PCSK5: variants seen among roughly 807,000 people sequenced by gnomAD.
The protein encoded by PCSK5 is proprotein convertase subtilisin/kexin type 5.
A neutral mutation model predicts 233.2 loss-of-function variants in PCSK5; 129 were observed. The ratio of observed to expected loss-of-function variants is 0.55; its 90% CI spans 0.48 to 0.64. The LOEUF is 0.64. Among genes scored for constraint, PCSK5 ranks in the 30% least tolerant of loss-of-function variants. PCSK5 has a pLI of 0.00. For missense variants in PCSK5, 2,076 were observed against 2,430.1 expected, an observed-to-expected ratio of 0.85 and a Z score of 3.06; for synonymous variants, 825 against 879.2, an observed-to-expected ratio of 0.94 and a Z score of 1.09.
intron 1 of PCSK5, among the ~76,000 whole-genome samples, chr9:75,892,989 A>G (rs905562634): frequency 6.6e-6 from 1 of 152,132 alleles, no homozygotes; most frequent in African/African-American, 2.4e-5. Context: ...TTGGGATTCT[A>G]CTGGCTTCTT....
intron 2 of PCSK5, among the ~76,000 whole-genome samples, chr9:75,949,341 A>G (rs1043127286): frequency 8.6e-5 from 13 of 151,684 alleles, no homozygotes; most frequent in African/African-American, 3.1e-4. Flanking sequence ...ATTTGAAAGG[A>G]TTTAAGGTGT....
chr9:76,350,124 AAG>A (rs1425813900), intron 35 of PCSK5, among the ~76,000 whole-genome samples: 2 of 147,874 alleles, frequency 1.4e-5, no homozygotes, highest in Non-Finnish European at 3.0e-5. Flanking sequence ...AAAAAAAAAA[AAG>A]AAAGAAAGAC....
chr9:75,947,851 G>T (rs549743000), intron 2 of PCSK5, among the ~76,000 whole-genome samples: 1 of 152,142 alleles, frequency 6.6e-6, no homozygotes, highest in African/African-American at 2.4e-5. Flanking sequence ...TTTCTCCATG[G>T]ATATTTTAGA....
intron 30 of PCSK5, among the ~76,000 whole-genome samples, chr9:76,311,540 TC>T (rs1358661416): frequency 6.6e-6 from 1 of 152,080 alleles, no homozygotes; most frequent in African/African-American, 2.4e-5. Context: ...GTTTCCTTGG[TC>T]CCCTGGTTTG....
chr9:76,054,053 C>T (rs1006012069), intron 5 of PCSK5, among the ~76,000 whole-genome samples: 9 of 152,146 alleles, frequency 5.9e-5, no homozygotes, highest in South Asian at 2.1e-4. Flanking sequence ...TCTTACATGG[C>T]GGCAGGCAGG....
chr9:76,020,079 A>G (rs1349148840), intron 3 of PCSK5, among the ~76,000 whole-genome samples: 1 of 152,226 alleles, frequency 6.6e-6, no homozygotes, highest in Non-Finnish European at 1.5e-5. Context: ...TGTGGGCTGC[A>G]TGTGTGGTAA....
intron 33 of PCSK5, among the ~76,000 whole-genome samples, chr9:76,329,649 A>T (rs1829469042): frequency 1.3e-5 from 2 of 152,106 alleles, no homozygotes; most frequent in Admixed American, 6.6e-5. Context: ...CCTGACCAAC[A>T]TGATGAAATC....
At chr9:76,330,527 T>C (rs1587339016) in intron 33 of PCSK5, among the ~76,000 whole-genome samples, 1 of 152,086 alleles carries the variant, frequency 6.6e-6, no homozygotes, top group South Asian at 2.1e-4. Context: ...GGCAGGAGGA[T>C]TGCTTGAGCC....
intron 2 of PCSK5, among the ~76,000 whole-genome samples, chr9:75,954,924 G>A (rs1825025736): frequency 6.6e-6 from 1 of 152,120 alleles, no homozygotes; most frequent in Admixed American, 6.5e-5. Flanking sequence ...CCTTCTCTCT[G>A]AACCATGAAA....
chr9:76,263,687 G>A (rs1457232648), intron 24 of PCSK5, among the ~76,000 whole-genome samples: 12 of 151,834 alleles, frequency 7.9e-5, no homozygotes, highest in African/African-American at 2.9e-4. Flanking sequence ...TAAATGATGA[G>A]TTAATGGGTG....
At chr9:76,141,290 AGC>A (rs1823213673) in intron 10 of PCSK5, among the ~76,000 whole-genome samples, 2 of 152,086 alleles carry the variant, frequency 1.3e-5, no homozygotes, top group African/African-American at 2.4e-5. Context: ...TTCTTTTTAC[AGC>A]CTATTTTAAA....
intron 7 of PCSK5, among the ~76,000 whole-genome samples, chr9:76,081,123 G>A (rs1421387579): frequency 2.0e-5 from 3 of 152,132 alleles, no homozygotes; most frequent in Non-Finnish European, 2.9e-5. Context: ...GTATACTTAA[G>A]AAACACCACT....
At chr9:75,909,431 C>T (rs1822617422) in intron 1 of PCSK5, among the ~76,000 whole-genome samples, 1 of 151,622 alleles carries the variant, frequency 6.6e-6, no homozygotes, top group African/African-American at 2.4e-5. Flanking sequence ...TGCGGTAGCT[C>T]ACGCCTGTAA....
rs1015906567 is a variant in PCSK5, at chr9:76,361,350, A to G, written c.*2428A>G. The stretch of plus-strand genomic sequence containing the variant: ...ACAGAGCAAGACTCCATCTCAAAAA[A>G]TAAGTAACTAACTAACTAACTAAAT... On this transcript the variant is annotated 3_prime_UTR_variant, in exon 38 of 38. Transcript: ENST00000674117. The G allele has an allele frequency of 6.6e-6, 1 of 151,630 alleles. No homozygotes were observed. The highest frequency in any genetic ancestry group is 1.5e-5 in the Non-Finnish European group (1 of 67,946). The allele number at this position is 151,630 out of a possible 1,614,324, so 9.4% of individuals were successfully genotyped here.
At chr9:76,296,983 G>T in intron 27 of PCSK5, 118 bp downstream of exon 27, 1 of 685,898 alleles carries the variant, frequency 1.5e-6, no homozygotes, top group Non-Finnish European at 2.6e-6. Flanking sequence ...AAAAACAAGA[G>T]TTTGGAGTGA....
At chr9:76,157,278 C>T (rs553568286) in intron 11 of PCSK5, 116 bp downstream of exon 11, 1 of 687,868 alleles carries the variant, frequency 1.5e-6, no homozygotes, top group African/African-American at 1.8e-5. Flanking sequence ...TAGTTTCTCT[C>T]TAATGTGACT....
intron 30 of PCSK5, among the ~76,000 whole-genome samples, chr9:76,315,807 A>G (rs1208987269): frequency 6.6e-6 from 1 of 150,538 alleles, no homozygotes; most frequent in African/African-American, 2.4e-5. Flanking sequence ...TAATTTTTGT[A>G]TTTTTGTAGA....
chr9:76,327,941 G>T, intron 32 of PCSK5, 68 bp from the exon 33 acceptor site: 2 of 938,282 alleles, frequency 2.1e-6, no homozygotes, highest in Non-Finnish European at 3.5e-6. Flanking sequence ...CTTTCCCAGG[G>T]GAAGCCATTC....
At chr9:76,097,257 T>C (rs891108487) in intron 8 of PCSK5, among the ~76,000 whole-genome samples, 3 of 119,988 alleles carry the variant, frequency 2.5e-5, no homozygotes, top group African/African-American at 3.5e-5. Context: ...TTTTTTTTTT[T>C]TTTTTTTTTT....
Sources: gnomAD v4.1 joint callset for allele counts (sites outside exome capture counted in the v4.1 genomes callset) on GRCh38, gnomAD v4.1.1 for gene constraint, MANE v1.5 for transcripts, NCBI Gene and HGNC (gene_info 2026-07-23, HGNC 2026-07-21) for gene names.